The following KPNA4 variants were observed in gnomAD, a reference collection of about 807,000 sequenced individuals.
The protein encoded by KPNA4 is karyopherin subunit alpha 4.
KPNA4 carries 13 observed loss-of-function variants against 71.3 expected under a neutral mutation model. That is an observed-to-expected ratio of 0.18 (90% CI 0.12 to 0.29). The LOEUF is 0.29. Among genes scored for constraint, KPNA4 ranks in the 10% least tolerant of loss-of-function variants. The pLI is 1.00. For missense variants in KPNA4, 334 were observed against 603.2 expected (o/e 0.55, Z 4.67); for synonymous variants, 189 against 195.2 (o/e 0.97, Z 0.26).
intron 15 of KPNA4, among the ~76,000 whole-genome samples, chr3:160,507,867 G>A (rs1248347524): frequency 2.0e-5 from 3 of 152,202 alleles, no homozygotes; most frequent in Admixed American, 2.0e-4. Flanking sequence ...ACTGTGTCTT[G>A]TTTACCACTG....
rs1721022238 is a variant in KPNA4 at position 160,508,087 on chromosome 3, A to C, written c.1372+20T>G. On this transcript the variant is annotated intron_variant, in intron 15 of 16. Transcript: ENST00000334256. ...AAAGAGAACATTAAGATGTGGAATA[A>C]GAGCTTATAATAAACTTACCTCCAC... 3 of 1,573,896 alleles carry C rather than the reference A, an allele frequency of 1.9e-6. No homozygotes were observed. The highest frequency in any genetic ancestry group is 1.7e-6 in the Non-Finnish European group (2 of 1,158,696).
chr3:160,522,545 C>G (rs922906715), intron 10 of KPNA4, among the ~76,000 whole-genome samples: 3 of 152,094 alleles, frequency 2.0e-5, no homozygotes, highest in African/African-American at 7.2e-5. Context: ...GCAAGCTCCG[C>G]CTCCCGGGTT....
chr3:160,508,697 T>C (rs1721036846), intron 14 of KPNA4, among the ~76,000 whole-genome samples: 1 of 151,980 alleles, frequency 6.6e-6, no homozygotes, highest in Non-Finnish European at 1.5e-5. Flanking sequence ...ATTTATTTAA[T>C]ATATAGAGAC....
intron 1 of KPNA4, among the ~76,000 whole-genome samples, chr3:160,544,984 T>C (rs573659949): frequency 3.5e-4 from 53 of 152,308 alleles, no homozygotes; most frequent in African/African-American, 1.3e-3. Context: ...TTAAACTATT[T>C]CATTTTATGG....
At chr3:160,531,072 T>A in intron 6 of KPNA4, 132 bp from the exon 7 acceptor site, 2 of 634,352 alleles carry the variant, frequency 3.2e-6, no homozygotes, top group South Asian at 2.3e-5. Flanking sequence ...ATCCAGCATA[T>A]TTTTTTAACC....
In KPNA4 at chr3:160,526,026, G is replaced by T; in HGVS notation, c.638C>A (p.Pro213His). 1 of 1,601,314 alleles carries T rather than the reference G, an allele frequency of 6.2e-7. No individual in the cohort carries two copies. The highest frequency in any genetic ancestry group is 8.5e-7 in the Non-Finnish European group (1 of 1,174,842). Residue 213 changes from proline (P) to histidine (H), a missense_variant, in exon 9 of 17, where the codon CCT (proline) becomes CAT (histidine). Transcript: ENST00000334256. ...PLLSFISPSI[P>H]ITFLRNVTWV... ...AGTAACATTTCTTAAGAATGTTATA[G>T]GAATAGATGGACTTATGAAGGAAAG...
chr3:160,502,715 T>C (rs527753297), intron 16 of KPNA4, among the ~76,000 whole-genome samples: 5 of 152,214 alleles, frequency 3.3e-5, no homozygotes, highest in Non-Finnish European at 7.4e-5. Context: ...AAAGAGAATA[T>C]GTAAGACGGG....
chr3:160,543,230 A>G (rs1432329601), intron 1 of KPNA4, among the ~76,000 whole-genome samples: 2 of 152,092 alleles, frequency 1.3e-5, no homozygotes, highest in African/African-American at 4.8e-5. Context: ...TACTAGTCCC[A>G]GCTCTACCTT....
chr3:160,538,999 A>G (rs1026689050), intron 1 of KPNA4, among the ~76,000 whole-genome samples: 1 of 152,198 alleles, frequency 6.6e-6, no homozygotes, highest in African/African-American at 2.4e-5. Context: ...TATGTAAAGT[A>G]CTTAAACTGT....
intron 2 of KPNA4, among the ~76,000 whole-genome samples, chr3:160,536,351 C>T (rs751838681): frequency 6.6e-6 from 1 of 151,970 alleles, no homozygotes; most frequent in Non-Finnish European, 1.5e-5. Flanking sequence ...AAATCAAGGG[C>T]CATTTCAACT....
rs1720831087 is a variant in KPNA4, at chr3:160,499,257, A to G, written c.*2847T>C. On this transcript the variant is annotated 3_prime_UTR_variant, in exon 17 of 17. Transcript: ENST00000334256. The stretch of plus-strand genomic sequence containing the variant: ...TTACTGAAGTCTTTGAAAATTACAA[A>G]GGAAATATATTTAAAGATAGATTTT... 6.6e-6 allele frequency: 1 copy of G among 152,192 alleles called. No individual in the cohort carries two copies. Among genetic ancestry groups the G allele is most frequent in the African/African-American group, 2.4e-5 (1 of 41,440 alleles). 9.4% of individuals were successfully genotyped at this position (152,192 alleles called of 1,614,324 possible).
chr3:160,562,593 A>G (rs1361906119), intron 1 of KPNA4, among the ~76,000 whole-genome samples: 1 of 152,216 alleles, frequency 6.6e-6, no homozygotes, highest in African/African-American at 2.4e-5. Context: ...ACTGTTCTCT[A>G]AATATAAAAA....
chr3:160,538,772 C>A (rs540883052), intron 1 of KPNA4, among the ~76,000 whole-genome samples: 1 of 152,228 alleles, frequency 6.6e-6, no homozygotes, highest in East Asian at 1.9e-4. Context: ...TCTGCTATTT[C>A]TCGAACACAC....
At position 160,535,900 on chromosome 3, in the gene KPNA4, T is replaced by TAAAAAA. The variant is rs71628425; in HGVS notation, c.115-9_115-4dup. Reference sequence around the variant, plus strand: ...AAGAGATGTTCATCTCTTTTATTCTTAAAAAAAAAAAAAAAAAAAAAAAAA... The same window carrying TAAAAAA: ...AAGAGATGTTCATCTCTTTTATTCTTAAAAAAAAAAAAAAAAAAAAAAAAAAAAAAA... On this transcript the variant is annotated splice_polypyrimidine_tract_variant and splice_region_variant and intron_variant, in intron 2 of 16. Transcript: ENST00000334256. 4.5e-4 allele frequency: 146 copies of TAAAAAA among 325,058 alleles called. No homozygotes were observed. Among genetic ancestry groups the TAAAAAA allele is most frequent in the African/African-American group, 7.7e-4 (18 of 23,480 alleles). 20.1% of individuals were successfully genotyped at this position (325,058 alleles called of 1,614,324 possible). A position where few individuals can be genotyped will look rare whatever the true frequency, so the allele number is the denominator to read the frequency against.
chr3:160,550,501 G>A (rs1577062102), intron 1 of KPNA4, among the ~76,000 whole-genome samples: 1 of 152,176 alleles, frequency 6.6e-6, no homozygotes, highest in South Asian at 2.1e-4. Flanking sequence ...CTGGGCTCAA[G>A]TGATTCTCCC....
At chr3:160,543,834 T>C (rs1480924661) in intron 1 of KPNA4, among the ~76,000 whole-genome samples, 1 of 152,038 alleles carries the variant, frequency 6.6e-6, no homozygotes, top group Non-Finnish European at 1.5e-5. Context: ...TATGCTGTGA[T>C]GCCAAAAGGA....
At chr3:160,538,359 A>G (rs190940010) in intron 1 of KPNA4, among the ~76,000 whole-genome samples, 1 of 152,220 alleles carries the variant, frequency 6.6e-6, no homozygotes, top group East Asian at 1.9e-4. Context: ...TGCAACAAAG[A>G]GGTGATTTTT....
chr3:160,522,152 T>C (rs1325949067), intron 10 of KPNA4, among the ~76,000 whole-genome samples: 1 of 152,150 alleles, frequency 6.6e-6, no homozygotes, highest in Non-Finnish European at 1.5e-5. Context: ...CAATCTTAGT[T>C]CACTAAGATA....
Position 160,531,488 on chromosome 3 carries a change from TA to T in KPNA4, c.356del (p.Leu119Ter). 2 of 1,579,020 alleles carry T rather than the reference TA, an allele frequency of 1.3e-6. No individual in the cohort carries two copies. The highest frequency in any genetic ancestry group is 1.2e-5 in the South Asian group (1 of 82,744). On this transcript the variant is annotated frameshift_variant, in exon 6 of 17. Transcript: ENST00000334256. LOFTEE classifies it high-confidence loss of function. The part of the protein sequence containing the change: ...DLIKSGILPI[L>X]VHCLERDDNP... ...TGTCATCTCTTTCAAGACAATGGAC[TA>T]AAATGGGCAATATTCCAGATTTTAT...
Sources: gnomAD v4.1 joint callset for allele counts (sites outside exome capture counted in the v4.1 genomes callset) on GRCh38, gnomAD v4.1.1 for gene constraint, MANE v1.5 for transcripts, NCBI Gene and HGNC (gene_info 2026-07-23, HGNC 2026-07-21) for gene names.